PRPSAP2: variants seen among roughly 807,000 people sequenced by gnomAD.
PRPSAP2 encodes the protein phosphoribosyl pyrophosphate synthase-associated protein 2.
A neutral mutation model predicts 40.6 loss-of-function variants in PRPSAP2; 24 were observed. That is an observed-to-expected ratio of 0.59 (90% CI 0.43 to 0.83). The LOEUF is 0.83. PRPSAP2 is among the 40% of genes least tolerant of loss of function. The probability of loss-of-function intolerance (pLI) is 0.00; values close to 1 mark genes in which losing one functional copy is unlikely to be tolerated. For synonymous variants in PRPSAP2, 149 were observed against 164.7 expected, an observed-to-expected ratio of 0.90 and a Z score of 0.73; for missense variants, 292 against 465.6, an observed-to-expected ratio of 0.63 and a Z score of 3.43.
intron 6 of PRPSAP2, among the ~76,000 whole-genome samples, chr17:18,882,115 A>G (rs2038801083): frequency 6.6e-6 from 1 of 152,056 alleles, no homozygotes; most frequent in Non-Finnish European, 1.5e-5. Flanking sequence ...CTGGGATTAC[A>G]GGCGTGAGCC....
rs145452716 is a variant in PRPSAP2 at position 18,924,035 on chromosome 17, GTTGATTGA to G, written c.804+66_804+73del. 1.7e-5 allele frequency: 26 copies of G among 1,494,406 alleles called. No homozygotes were observed. The East Asian group carries it at 4.1e-4, about 23-fold the overall frequency. 92.6% of individuals were successfully genotyped at this position (1,494,406 alleles called of 1,614,324 possible). A position where few individuals can be genotyped will look rare whatever the true frequency, so the allele number is the denominator to read the frequency against. ...TTCTAGTATTTGCCATTGTTATTCT[GTTGATTGA>G]TTGATTGATTGATTTTATTACAGAG... On this transcript the variant is annotated intron_variant, in intron 10 of 11. Transcript: ENST00000268835.
intron 9 of PRPSAP2, among the ~76,000 whole-genome samples, chr17:18,921,633 TG>T (rs2041695453): frequency 6.6e-6 from 1 of 152,126 alleles, no homozygotes; most frequent in Non-Finnish European, 1.5e-5. Context: ...TAGTTTTGAT[TG>T]TCAGAATCAA....
chr17:18,900,710 G>A (rs545889982), intron 8 of PRPSAP2, among the ~76,000 whole-genome samples: 2 of 152,196 alleles, frequency 1.3e-5, no homozygotes, highest in African/African-American at 4.8e-5. Flanking sequence ...TCACCACCAG[G>A]CCTTGTGTGG....
At chr17:18,892,695 G>GTT (rs2039628136) in intron 8 of PRPSAP2, among the ~76,000 whole-genome samples, 1 of 89,108 alleles carries the variant, frequency 1.1e-5, no homozygotes, top group Non-Finnish European at 2.5e-5. Flanking sequence ...TTGAGTGTGT[G>GTT]TGTGTGTGTG....
intron 8 of PRPSAP2, chr17:18,908,579 C>T (rs944434909): frequency 1.4e-5 from 10 of 732,364 alleles, no homozygotes; most frequent in Admixed American, 6.0e-5. Context: ...CCACTCTTCA[C>T]GCTGATAATG....
intron 7 of PRPSAP2, 59 bp from the exon 8 acceptor site, chr17:18,889,763 C>A: frequency 7.4e-7 from 1 of 1,353,468 alleles, no homozygotes; most frequent in Non-Finnish European, 1.0e-6. Context: ...ATTTTTGGGT[C>A]TGTTGGAATT....
intron 11 of PRPSAP2, 32 bp from the exon 12 acceptor site, chr17:18,930,508 G>T: frequency 6.3e-7 from 1 of 1,599,754 alleles, no homozygotes; most frequent in Non-Finnish European, 8.5e-7. Flanking sequence ...TTGGCTTTCT[G>T]ATGCTGTGGT....
chr17:18,882,520 A>C (rs1418984739), intron 6 of PRPSAP2, 48 bp from the exon 7 acceptor site: 3 of 1,307,324 alleles, frequency 2.3e-6, no homozygotes, highest in Admixed American at 4.0e-5. Flanking sequence ...TAAAAAAAAA[A>C]AACAAAAACA....
chr17:18,860,498 A>AT (rs1317762817), intron 1 of PRPSAP2: 1 of 152,224 alleles, frequency 6.6e-6, no homozygotes, highest in African/African-American at 2.4e-5. Flanking sequence ...ACAGCAGAGA[A>AT]TATCATGGTA....
At chr17:18,900,690 A>T (rs1037000439) in intron 8 of PRPSAP2, among the ~76,000 whole-genome samples, 1 of 151,922 alleles carries the variant, frequency 6.6e-6, no homozygotes, top group African/African-American at 2.4e-5. Flanking sequence ...GTAAGGGTAG[A>T]AGTCGAGATT....
chr17:18,889,723 T>G (rs1458990286), intron 7 of PRPSAP2, 99 bp from the exon 8 acceptor site: 9 of 956,668 alleles, frequency 9.4e-6, no homozygotes, highest in Non-Finnish European at 7.6e-6. Context: ...GAACTTTTTC[T>G]TTTTTTGGAA....
chr17:18,876,338 C>G lies in PRPSAP2; in HGVS notation c.240-1360C>G, dbSNP rs117521383. Among the ~76,000 whole-genome samples the G allele has an allele frequency of 1.6e-4, 25 of 152,328 alleles. 1 individual carries two copies. The East Asian group carries it at 4.8e-3, about 29-fold the overall frequency. ...GAAAGCCTTGTTCCTCCACTCTTAT[C>G]CTTCCCATAGAATACTTTTCTGAAA... On this transcript the variant is annotated intron_variant, in intron 5 of 11. Transcript: ENST00000268835.
intron 10 of PRPSAP2, 144 bp from the exon 11 acceptor site, chr17:18,928,667 A>G (rs1020166269): frequency 1.9e-6 from 2 of 1,032,270 alleles, no homozygotes; most frequent in South Asian, 1.3e-5. Context: ...TGATGGGGAC[A>G]TGGGGCCATG....
chr17:18,858,961 T>C (rs2036802129), intron 1 of PRPSAP2, among the ~76,000 whole-genome samples: 1 of 152,176 alleles, frequency 6.6e-6, no homozygotes, highest in Non-Finnish European at 1.5e-5. Context: ...CATATTCCTT[T>C]CCTGCTGCCC....
intron 4 of PRPSAP2, among the ~76,000 whole-genome samples, chr17:18,868,231 T>C (rs955247605): frequency 1.3e-5 from 2 of 152,144 alleles, no homozygotes; most frequent in Non-Finnish European, 2.9e-5. Flanking sequence ...CCCAGCACTT[T>C]GGGAGGCCGA....
chr17:18,903,193 C>T lies in PRPSAP2; in HGVS notation c.585-7910C>T, dbSNP rs186516697. Among the ~76,000 whole-genome samples the T allele has an allele frequency of 5.0e-3, 714 of 143,576 alleles. 17 individuals are homozygous for T. The highest frequency in any genetic ancestry group is 0.018 in the African/African-American group (683 of 37,336). 94.2% of individuals were successfully genotyped at this position (143,576 alleles called of 152,430 possible). A position where few individuals can be genotyped will look rare whatever the true frequency, so the allele number is the denominator to read the frequency against. Reference sequence around the variant, plus strand: ...CTGTAATCCCAGCACTTTGGGAGGCCGAGATGGGTGGATCTCCTGAGGTCA... The same window carrying T: ...CTGTAATCCCAGCACTTTGGGAGGCTGAGATGGGTGGATCTCCTGAGGTCA... On this transcript the variant is annotated intron_variant, in intron 8 of 11. Coordinates refer to ENST00000268835, the MANE Select transcript of PRPSAP2 (RefSeq NM_002767.4).
At chr17:18,860,925 A>G (rs1241004154) in intron 1 of PRPSAP2, among the ~76,000 whole-genome samples, 1 of 152,152 alleles carries the variant, frequency 6.6e-6, no homozygotes, top group Non-Finnish European at 1.5e-5. Flanking sequence ...GTGTTTTCAT[A>G]CATGTTATAA....
intron 7 of PRPSAP2, among the ~76,000 whole-genome samples, chr17:18,883,491 C>T (rs768104094): frequency 6.6e-6 from 1 of 151,026 alleles, no homozygotes; most frequent in Non-Finnish European, 1.5e-5. Flanking sequence ...AAACCTCCAC[C>T]TCCCGGGTTC....
intron 9 of PRPSAP2, among the ~76,000 whole-genome samples, chr17:18,920,101 T>TGG (rs2041609014): frequency 6.6e-6 from 1 of 152,188 alleles, no homozygotes; most frequent in Non-Finnish European, 1.5e-5. Flanking sequence ...TCTAGGAACC[T>TGG]CAGCAGAACC....
Sources: allele counts gnomAD v4.1 joint callset (sites outside exome capture counted in the v4.1 genomes callset), GRCh38; gene constraint gnomAD v4.1.1; transcripts MANE v1.5; gene names NCBI Gene and HGNC (gene_info 2026-07-23, HGNC 2026-07-21).